The following FAM193A variants were observed in gnomAD, a reference collection of about 807,000 sequenced individuals.
FAM193A encodes the protein protein FAM193A.
A neutral mutation model predicts 126.5 loss-of-function variants in FAM193A; 22 were observed. That is an observed-to-expected ratio of 0.17 (90% CI 0.12 to 0.25). The LOEUF (loss-of-function observed/expected upper bound fraction) is 0.25, where lower values mean the gene tolerates loss of function less well. FAM193A is among the 10% of genes least tolerant of loss of function. The pLI, the probability that FAM193A is intolerant of heterozygous loss-of-function variation, is 1.00. For synonymous variants in FAM193A, 761 were observed against 646.8 expected (o/e 1.18, Z -2.68); for missense variants, 1,675 against 1,672.8 (o/e 1.00, Z -0.02).
At chr4:2,590,499 A>ACC (rs1197329011) in intron 1 of FAM193A, among the ~76,000 whole-genome samples, 9,191 of 79,028 alleles carry the variant, frequency 0.12, 2,119 homozygotes, top group Non-Finnish European at 0.14. Flanking sequence ...AAAAAAACAA[A>ACC]AAAAAACAAA....
At chr4:2,647,406 A>G (rs973603747) in intron 7 of FAM193A, among the ~76,000 whole-genome samples, 2 of 151,968 alleles carry the variant, frequency 1.3e-5, no homozygotes, top group Non-Finnish European at 2.9e-5. Context: ...TCAGCCTCCC[A>G]AAGTGTTGGG....
intron 13 of FAM193A, among the ~76,000 whole-genome samples, chr4:2,685,232 C>T (rs1715600495): frequency 6.6e-6 from 1 of 152,080 alleles, no homozygotes; most frequent in Non-Finnish European, 1.5e-5. Flanking sequence ...AGGGGAGGAC[C>T]GGGTGCCAAG....
At chr4:2,688,425 C>T (rs996021335) in intron 13 of FAM193A, among the ~76,000 whole-genome samples, 13 of 151,990 alleles carry the variant, frequency 8.6e-5, no homozygotes, top group Non-Finnish European at 1.9e-4. Context: ...AGGATGAGTG[C>T]GAGTGTGGTA....
intron 19 of FAM193A, among the ~76,000 whole-genome samples, chr4:2,711,027 A>AT (rs754773017): frequency 6.8e-6 from 1 of 147,204 alleles, no homozygotes; most frequent in East Asian, 2.0e-4. Flanking sequence ...AATTTTTTGT[A>AT]TTTTTTAGTA....
intron 1 of FAM193A, among the ~76,000 whole-genome samples, chr4:2,576,977 T>C (rs1739623381): frequency 6.6e-6 from 1 of 152,250 alleles, no homozygotes; most frequent in Admixed American, 6.5e-5. Context: ...CTGTAACATA[T>C]TCACAAAGCA....
intron 2 of FAM193A, among the ~76,000 whole-genome samples, chr4:2,604,027 G>A (rs1271053227): frequency 6.6e-6 from 1 of 151,916 alleles, no homozygotes; most frequent in Non-Finnish European, 1.5e-5. Context: ...ATTTTTAGTA[G>A]AGACGGGGTT....
At chr4:2,573,819 G>A (rs1387408139) in intron 1 of FAM193A, among the ~76,000 whole-genome samples, 1 of 152,252 alleles carries the variant, frequency 6.6e-6, no homozygotes, top group Admixed American at 6.5e-5. Flanking sequence ...TGCCAGTGTG[G>A]TGATACTTGA....
At chr4:2,720,602 A>G (rs1027008099) in intron 20 of FAM193A, among the ~76,000 whole-genome samples, 7 of 151,894 alleles carry the variant, frequency 4.6e-5, no homozygotes, top group Admixed American at 3.3e-4. Context: ...CAGTGAGCCA[A>G]GATGCACCAC....
chr4:2,612,200 G>A (rs996367522), intron 2 of FAM193A, among the ~76,000 whole-genome samples: 1 of 151,564 alleles, frequency 6.6e-6, no homozygotes, highest in Non-Finnish European at 1.5e-5. Flanking sequence ...TGCTACTCAA[G>A]GTTATAAAGA....
chr4:2,552,932 C>CT (rs1738031187), intron 1 of FAM193A, among the ~76,000 whole-genome samples: 1 of 149,306 alleles, frequency 6.7e-6, no homozygotes, highest in Non-Finnish European at 1.5e-5. Flanking sequence ...ACTGCAACCT[C>CT]TGCCTCCCAG....
At chr4:2,719,323 A>G (rs1282680665) in intron 20 of FAM193A, among the ~76,000 whole-genome samples, 1 of 152,248 alleles carries the variant, frequency 6.6e-6, no homozygotes, top group African/African-American at 2.4e-5. Flanking sequence ...AAATATTCTC[A>G]TACCTACATC....
intron 5 of FAM193A, among the ~76,000 whole-genome samples, 157 bp downstream of exon 5, chr4:2,631,326 CCT>C (rs1419199038): frequency 1.3e-5 from 2 of 152,112 alleles, no homozygotes; most frequent in Non-Finnish European, 2.9e-5. Flanking sequence ...TGTTTCCTCT[CCT>C]CTTTGTCTTT....
intron 20 of FAM193A, among the ~76,000 whole-genome samples, chr4:2,719,515 G>A (rs1020740854): frequency 4.6e-5 from 7 of 152,144 alleles, no homozygotes; most frequent in Non-Finnish European, 8.8e-5. Context: ...GGAGGCCCAG[G>A]CGGGCGGATC....
At chr4:2,611,017 A>T (rs897531982) in intron 2 of FAM193A, among the ~76,000 whole-genome samples, 1 of 151,632 alleles carries the variant, frequency 6.6e-6, no homozygotes, top group Non-Finnish European at 1.5e-5. Context: ...GATTACAGGC[A>T]TGAGCCACCG....
At chr4:2,610,794 A>G (rs1488972366) in intron 2 of FAM193A, among the ~76,000 whole-genome samples, 2 of 151,434 alleles carry the variant, frequency 1.3e-5, no homozygotes, top group East Asian at 2.0e-4. Context: ...CTGGAGTGCA[A>G]TGGCGCGATC....
At chr4:2,539,786 A>G (rs1737113918) in intron 1 of FAM193A, among the ~76,000 whole-genome samples, 1 of 152,184 alleles carries the variant, frequency 6.6e-6, no homozygotes, top group South Asian at 2.1e-4. Context: ...AAACATACAC[A>G]TAAACACAAA....
At chr4:2,595,237 C>T (rs535417485) in intron 1 of FAM193A, among the ~76,000 whole-genome samples, 3 of 152,170 alleles carry the variant, frequency 2.0e-5, no homozygotes, top group Admixed American at 1.3e-4. Context: ...TTTGCAGAGG[C>T]GAAGTCTTGC....
At chr4:2,655,107 A>G (rs1353143179) in intron 7 of FAM193A, 5 of 700,578 alleles carry the variant, frequency 7.1e-6, no homozygotes, top group Non-Finnish European at 1.0e-5. Flanking sequence ...ACCCTTGTCC[A>G]GTCCTGGCTT....
intron 1 of FAM193A, among the ~76,000 whole-genome samples, chr4:2,592,979 T>G (rs1053946085): frequency 3.3e-5 from 5 of 152,026 alleles, no homozygotes; most frequent in African/African-American, 1.2e-4. Flanking sequence ...CTTAGGAGGA[T>G]ATTGCCTCAG....
Sources: allele counts gnomAD v4.1 joint callset (sites outside exome capture counted in the v4.1 genomes callset), GRCh38; gene constraint gnomAD v4.1.1; transcripts MANE v1.5; gene names NCBI Gene and HGNC (gene_info 2026-07-23, HGNC 2026-07-21).